Variants in CLOCK observed in about 807,000 individuals in gnomAD.
CLOCK encodes the protein circadian locomoter output cycles protein kaput.
A neutral mutation model predicts 118.4 loss-of-function variants in CLOCK; 43 were observed. The observed-to-expected ratio is 0.36, with a 90% CI of 0.28 to 0.47. The LOEUF is 0.47. CLOCK is among the 20% of genes least tolerant of loss of function. The pLI is 1.00. For synonymous variants in CLOCK, 326 were observed against 339.2 expected (o/e 0.96, Z 0.43); for missense variants, 846 against 999.9 (o/e 0.85, Z 2.08).
In CLOCK at chr4:55,435,441, C is replaced by G. The variant is rs1013183492; in HGVS notation, c.2515G>C (p.Asp839His). The change falls in exon 23 of 23, where the codon GAC becomes CAC. Residue 839 changes from aspartate (D) to histidine (H), a missense_variant. By Grantham distance (81) the Asp-to-His change is moderately conservative. Coordinates refer to ENST00000513440, the MANE Select transcript of CLOCK (RefSeq NM_004898.4). The part of the protein sequence containing the change: ...LSRHRTDSLP[D>H]PSKVQPQ ...TACTGTGGTTGAACCTTGGAAGGGT[C>G]GGGCAAGCTGTCAGTCCTGTGCCGG... The G allele has an allele frequency of 3.1e-6, 5 of 1,613,826 alleles. No individual in the cohort carries two copies. The highest frequency in any genetic ancestry group is 3.4e-6 in the Non-Finnish European group (4 of 1,179,902).
At chr4:55,518,676 C>A (rs921927384) in intron 1 of CLOCK, among the ~76,000 whole-genome samples, 14 of 152,206 alleles carry the variant, frequency 9.2e-5, no homozygotes, top group African/African-American at 3.1e-4. Context: ...CCCTCCCTTT[C>A]CATCATGTGA....
intron 2 of CLOCK, among the ~76,000 whole-genome samples, chr4:55,495,641 T>C (rs917848729): frequency 3.3e-5 from 5 of 151,980 alleles, no homozygotes; most frequent in Non-Finnish European, 7.4e-5. Flanking sequence ...CTCCAATACC[T>C]CTTTTGAATT....
At chr4:55,511,435 A>G (rs1207638097) in intron 1 of CLOCK, among the ~76,000 whole-genome samples, 1 of 152,200 alleles carries the variant, frequency 6.6e-6, no homozygotes, top group Non-Finnish European at 1.5e-5. Context: ...ACAAAAAAAG[A>G]CTTTAGAACA....
chr4:55,445,651 T>G (rs1403338599), intron 18 of CLOCK, among the ~76,000 whole-genome samples: 3 of 139,356 alleles, frequency 2.2e-5, no homozygotes, highest in Non-Finnish European at 3.0e-5. Context: ...AAAGCAGTGG[T>G]GCGATCATGG....
intron 7 of CLOCK, among the ~76,000 whole-genome samples, chr4:55,471,894 G>A (rs76376007): frequency 0.034 from 5,137 of 152,136 alleles, 104 homozygotes; most frequent in Non-Finnish European, 0.054. Flanking sequence ...GCAACATGGC[G>A]AAACCTTGTC....
At chr4:55,462,134 T>C (rs1293432839) in intron 9 of CLOCK, among the ~76,000 whole-genome samples, 1 of 152,238 alleles carries the variant, frequency 6.6e-6, no homozygotes, top group Non-Finnish European at 1.5e-5. Flanking sequence ...TTAAGTATTC[T>C]TGCCATTTTC....
chr4:55,512,147 G>T (rs1021534615), intron 1 of CLOCK, among the ~76,000 whole-genome samples: 4 of 151,844 alleles, frequency 2.6e-5, no homozygotes, highest in Middle Eastern at 6.3e-3. Flanking sequence ...GTTTAGTTTC[G>T]TAAGAACCTG....
chr4:55,528,076 G>A (rs1730318176), intron 1 of CLOCK, among the ~76,000 whole-genome samples: 1 of 150,810 alleles, frequency 6.6e-6, no homozygotes, highest in East Asian at 2.0e-4. Context: ...AATATATTGA[G>A]GCCAAGGGCA....
At chr4:55,449,179 A>T (rs1416176424) in intron 17 of CLOCK, among the ~76,000 whole-genome samples, 11 of 152,200 alleles carry the variant, frequency 7.2e-5, no homozygotes, top group African/African-American at 2.7e-4. Context: ...ATTAAAAAAA[A>T]AAAAACTAAC....
chr4:55,543,278 G>GT (rs1731400980), intron 1 of CLOCK, among the ~76,000 whole-genome samples: 1 of 152,154 alleles, frequency 6.6e-6, no homozygotes, highest in South Asian at 2.1e-4. Flanking sequence ...CCCCTCACTA[G>GT]TGAAAAGATG....
chr4:55,455,332 G>A (rs1310354970), intron 13 of CLOCK, among the ~76,000 whole-genome samples: 1 of 152,158 alleles, frequency 6.6e-6, no homozygotes, highest in Non-Finnish European at 1.5e-5. Flanking sequence ...GCCTTACTGT[G>A]TTCTCAGCTT....
chr4:55,512,977 C>T (rs1278225513), intron 1 of CLOCK, among the ~76,000 whole-genome samples: 1 of 152,120 alleles, frequency 6.6e-6, no homozygotes, highest in African/African-American at 2.4e-5. Context: ...GACTTTATAG[C>T]TGTTGTAGCC....
intron 1 of CLOCK, among the ~76,000 whole-genome samples, chr4:55,527,860 T>A (rs562715513): frequency 3.2e-4 from 48 of 151,112 alleles, no homozygotes; most frequent in South Asian, 1.3e-3. Context: ...CTTGGCAACA[T>A]AGCGAGATCT....
intron 7 of CLOCK, among the ~76,000 whole-genome samples, chr4:55,471,243 A>C (rs1726128120): frequency 6.6e-6 from 1 of 152,190 alleles, no homozygotes; most frequent in Non-Finnish European, 1.5e-5. Flanking sequence ...GTTTAAGGAG[A>C]TATATGAAGA....
intron 3 of CLOCK, among the ~76,000 whole-genome samples, chr4:55,486,758 G>A (rs369247318): frequency 6.6e-6 from 1 of 152,130 alleles, no homozygotes; most frequent in African/African-American, 2.4e-5. Flanking sequence ...TCCTTTAGAT[G>A]TGACCTGTTA....
chr4:55,471,156 C>A (rs1024217926), intron 7 of CLOCK, among the ~76,000 whole-genome samples: 2 of 152,110 alleles, frequency 1.3e-5, no homozygotes, highest in Non-Finnish European at 2.9e-5. Context: ...TACAAGACAT[C>A]AACAATGTTT....
At chr4:55,526,222 A>G (rs1730176383) in intron 1 of CLOCK, among the ~76,000 whole-genome samples, 1 of 152,220 alleles carries the variant, frequency 6.6e-6, no homozygotes, top group African/African-American at 2.4e-5. Flanking sequence ...CAAGGTAGGC[A>G]AAGGGACCAA....
intron 2 of CLOCK, among the ~76,000 whole-genome samples, chr4:55,490,015 C>G (rs1258505881): frequency 6.6e-6 from 1 of 151,806 alleles, no homozygotes; most frequent in Non-Finnish European, 1.5e-5. Context: ...AGACAGCAAG[C>G]CCTTCTCTAT....
At chr4:55,525,416 G>A (rs1730119153) in intron 1 of CLOCK, among the ~76,000 whole-genome samples, 1 of 152,164 alleles carries the variant, frequency 6.6e-6, no homozygotes, top group Admixed American at 6.5e-5. Flanking sequence ...TGGTAATTAT[G>A]ATAAGCTATG....
Sources: allele counts gnomAD v4.1 joint callset (sites outside exome capture counted in the v4.1 genomes callset), GRCh38; gene constraint gnomAD v4.1.1; transcripts MANE v1.5; gene names NCBI Gene and HGNC (gene_info 2026-07-23, HGNC 2026-07-21).